FMN2: variants seen among roughly 807,000 people sequenced by gnomAD.
FMN2 encodes the protein formin-2.
FMN2 carries 51 observed loss-of-function variants against 142.3 expected under a neutral mutation model. The observed-to-expected ratio is 0.36, with a 90% CI of 0.29 to 0.45. The LOEUF (loss-of-function observed/expected upper bound fraction) is 0.45. Ranked by LOEUF, FMN2 falls within the 20% of genes least tolerant of loss-of-function variation. The pLI is 1.00. For synonymous variants in FMN2, 882 were observed against 869.8 expected (o/e 1.01, Z -0.25); for missense variants, 1,936 against 2,122.8 (o/e 0.91, Z 1.73).
At chr1:240,210,788 T>C (rs1666660319) in intron 5 of FMN2, among the ~76,000 whole-genome samples, 1 of 152,192 alleles carries the variant, frequency 6.6e-6, no homozygotes, top group African/African-American at 2.4e-5. Flanking sequence ...CTTGCCTCCC[T>C]AGCCCACACT....
At chr1:240,440,830 T>G (rs1209986179) in intron 16 of FMN2, among the ~76,000 whole-genome samples, 1 of 148,800 alleles carries the variant, frequency 6.7e-6, no homozygotes, top group Non-Finnish European at 1.5e-5. Flanking sequence ...GGACCAGCTA[T>G]GTACTTCTTA....
intron 2 of FMN2, among the ~76,000 whole-genome samples, chr1:240,176,227 A>G (rs1010506542): frequency 6.6e-6 from 1 of 152,168 alleles, no homozygotes; most frequent in African/African-American, 2.4e-5. Context: ...GAATTTTTGT[A>G]TATGGGGTAA....
At chr1:240,220,033 C>T (rs1388326224) in intron 6 of FMN2, among the ~76,000 whole-genome samples, 2 of 152,052 alleles carry the variant, frequency 1.3e-5, no homozygotes, top group African/African-American at 4.8e-5. Context: ...ACTTTGGGAC[C>T]TGAAACTGTC....
At chr1:240,177,398 G>GT (rs1209841418) in intron 2 of FMN2, among the ~76,000 whole-genome samples, 1 of 141,884 alleles carries the variant, frequency 7.0e-6, no homozygotes, top group Non-Finnish European at 1.5e-5. Flanking sequence ...TTCATTCACT[G>GT]TTTCATGGTT....
intron 2 of FMN2, among the ~76,000 whole-genome samples, chr1:240,160,107 T>C (rs919840111): frequency 2.0e-5 from 3 of 150,962 alleles, no homozygotes; most frequent in South Asian, 2.1e-4. Context: ...GGTAGTTTCA[T>C]TGGTGAATTC....
chr1:240,269,143 C>A lies in FMN2; in HGVS notation c.4153+11111C>A, dbSNP rs2102916595. On this transcript the variant is annotated intron_variant, in intron 7 of 17. Coordinates refer to ENST00000319653, the MANE Select transcript of FMN2 (RefSeq NM_020066.5). ...ATTGCCCTGACCAATGTCATGGAAC[C>A]TTTCCTAACCCCTGTGTTTTCTTCG... Among the ~76,000 whole-genome samples, 3 of 152,064 alleles carry A rather than the reference C, an allele frequency of 2.0e-5. No individual in the cohort carries two copies. In the South Asian group the frequency reaches 6.2e-4, roughly 32 times the overall value.
intron 6 of FMN2, among the ~76,000 whole-genome samples, chr1:240,221,977 A>T (rs1228797003): frequency 6.7e-6 from 1 of 148,994 alleles, no homozygotes; most frequent in Admixed American, 6.7e-5. Flanking sequence ...CTTCCCAAGT[A>T]GCTGGGATTA....
intron 4 of FMN2, among the ~76,000 whole-genome samples, chr1:240,189,568 G>C (rs539335472): frequency 6.6e-6 from 1 of 152,240 alleles, no homozygotes; most frequent in Non-Finnish European, 1.5e-5. Context: ...CCCTGGAGGA[G>C]AAATTGGGGT....
At chr1:240,388,289 C>G (rs1304663259) in intron 14 of FMN2, among the ~76,000 whole-genome samples, 2 of 145,170 alleles carry the variant, frequency 1.4e-5, no homozygotes, top group African/African-American at 5.3e-5. Context: ...AAATTATTAC[C>G]CTGCTTTAAT....
Position 240,211,277 on chromosome 1 carries a change from G to C in FMN2, c.4065+42G>C, listed in dbSNP as rs1170551614. The C allele has an allele frequency of 2.6e-5, 41 of 1,588,818 alleles. 1 individual carries two copies. The highest frequency in any genetic ancestry group is 3.5e-5 in the Non-Finnish European group (41 of 1,165,642). On this transcript the variant is annotated intron_variant, in intron 6 of 17. Transcript: ENST00000319653. ...TTTATGAAATTGGACAGTGTTTCTG[G>C]CATAAGTGTGAACTGTCATTAGAGA... is the stretch of plus-strand genomic sequence containing the variant.
chr1:240,188,988 T>C (rs7533525), intron 4 of FMN2, among the ~76,000 whole-genome samples: 97,022 of 151,824 alleles, frequency 0.64, 31,764 homozygotes, highest in African/African-American at 0.77. Context: ...ATGGGAAAGA[T>C]CAGCCCCCAT....
intron 2 of FMN2, chr1:240,143,070 G>T: frequency 6.6e-7 from 1 of 1,504,362 alleles, no homozygotes; most frequent in African/African-American, 1.4e-5. Flanking sequence ...GAGGGTAAGT[G>T]TACCCTTCCC....
At chr1:240,241,970 C>A (rs1299693235) in intron 6 of FMN2, among the ~76,000 whole-genome samples, 3 of 151,762 alleles carry the variant, frequency 2.0e-5, no homozygotes, top group African/African-American at 7.3e-5. Context: ...CTCAGCCTCC[C>A]GAGTAACTGG....
chr1:240,390,828 C>A (rs1457931488), intron 14 of FMN2, among the ~76,000 whole-genome samples: 1 of 152,178 alleles, frequency 6.6e-6, no homozygotes, highest in Admixed American at 6.5e-5. Flanking sequence ...TTTCATAAAT[C>A]ATTTACTTTA....
At chr1:240,437,479 A>AT (rs1014998302) in intron 15 of FMN2, among the ~76,000 whole-genome samples, 15 of 151,002 alleles carry the variant, frequency 9.9e-5, no homozygotes, top group Non-Finnish European at 1.5e-4. Context: ...TTTCTTTGTA[A>AT]TTTTAGTAGA....
intron 7 of FMN2, among the ~76,000 whole-genome samples, chr1:240,267,632 TAA>T (rs60539167): frequency 3.3e-4 from 47 of 140,554 alleles, no homozygotes; most frequent in African/African-American, 6.5e-4. Context: ...CCCCTGAACT[TAA>T]AAAAAAAAAA....
chr1:240,465,409 C>T (rs79046277), intron 16 of FMN2, among the ~76,000 whole-genome samples: 1,849 of 150,916 alleles, frequency 0.012, 50 homozygotes, highest in African/African-American at 0.043. Flanking sequence ...TTTTTTCTCT[C>T]CCTCTACTTT....
At position 240,300,567 on chromosome 1, in the gene FMN2, C is replaced by T. The variant is rs191110982; in HGVS notation, c.4215+5684C>T. On this transcript the variant is annotated intron_variant, in intron 8 of 17. Coordinates refer to ENST00000319653, the MANE Select transcript of FMN2 (RefSeq NM_020066.5). ...CTCACTTTGTACTAGTTTCTTTCTC[C>T]TATCTCTCCTTTGTTATAGCATGCT... Among the ~76,000 whole-genome samples the T allele has an allele frequency of 2.8e-3, 426 of 152,276 alleles. 2 individuals carry two copies. The highest frequency in any genetic ancestry group is 0.017 in the South Asian group (81 of 4,828).
chr1:240,098,016 A>G (rs1263092686), intron 1 of FMN2, among the ~76,000 whole-genome samples: 1 of 151,862 alleles, frequency 6.6e-6, no homozygotes, highest in Non-Finnish European at 1.5e-5. Context: ...CTTTTGGAGG[A>G]CTAGCTAATT....
Sources: allele counts gnomAD v4.1 joint callset (sites outside exome capture counted in the v4.1 genomes callset), GRCh38; gene constraint gnomAD v4.1.1; transcripts MANE v1.5; gene names NCBI Gene and HGNC (gene_info 2026-07-23, HGNC 2026-07-21).